Variants in PRUNE2 observed in about 807,000 individuals in gnomAD.
The protein encoded by PRUNE2 is protein prune homolog 2.
In PRUNE2, 164 loss-of-function variants were observed where a neutral mutation model predicts 252.0. That is an observed-to-expected ratio of 0.65 (90% CI 0.57 to 0.74). The LOEUF is 0.74. Ranked by LOEUF, PRUNE2 falls within the 30% of genes least tolerant of loss-of-function variation. The pLI is 0.00. For synonymous variants in PRUNE2, 1,292 were observed against 1,350.2 expected (o/e 0.96, Z 0.94); for missense variants, 3,495 against 3,711.0 (o/e 0.94, Z 1.51).
intron 6 of PRUNE2, among the ~76,000 whole-genome samples, chr9:76,811,500 G>A (rs111448013): frequency 3.3e-5 from 5 of 152,120 alleles, no homozygotes; most frequent in African/African-American, 1.2e-4. Context: ...GGTATCAAAG[G>A]CAATGAATGA....
chr9:76,830,148 G>C (rs950955939), intron 4 of PRUNE2, among the ~76,000 whole-genome samples: 1 of 152,096 alleles, frequency 6.6e-6, no homozygotes, highest in African/African-American at 2.4e-5. Flanking sequence ...AAATAGGTCA[G>C]AAGAAAACAA....
At chr9:76,790,302 G>T (rs1303145249) in intron 6 of PRUNE2, among the ~76,000 whole-genome samples, 1 of 152,134 alleles carries the variant, frequency 6.6e-6, no homozygotes, top group African/African-American at 2.4e-5. Context: ...TTGCAATAAT[G>T]AATTAATCAA....
At chr9:76,736,417 T>A (rs1454775406) in intron 6 of PRUNE2, 4 of 152,250 alleles carry the variant, frequency 2.6e-5, no homozygotes, top group Non-Finnish European at 5.9e-5. Context: ...AATTTAAGAA[T>A]GGTGTGTTAG....
At chr9:76,785,863 A>G (rs956818298) in intron 6 of PRUNE2, 2 of 152,150 alleles carry the variant, frequency 1.3e-5, no homozygotes, top group Non-Finnish European at 2.9e-5. Flanking sequence ...TATCACCACC[A>G]TATCTCATTA....
At chr9:76,846,835 C>T (rs529388889) in intron 3 of PRUNE2, among the ~76,000 whole-genome samples, 157 bp from the exon 4 acceptor site, 1 of 152,160 alleles carries the variant, frequency 6.6e-6, no homozygotes. Flanking sequence ...CCTTATTCTA[C>T]GTATTTTCAC....
At chr9:76,874,807 A>C (rs2061392712) in intron 1 of PRUNE2, among the ~76,000 whole-genome samples, 2 of 152,218 alleles carry the variant, frequency 1.3e-5, no homozygotes, top group Non-Finnish European at 2.9e-5. Context: ...AGTTTGCAGC[A>C]GACAAAGTAT....
chr9:76,710,655 T>A lies in PRUNE2; in HGVS notation c.1619A>T (p.Asp540Val). Residue 540 changes from aspartate to valine, a missense_variant, in exon 8 of 19, where the codon GAT (aspartate) becomes GTT (valine). Physicochemically the swap from Asp to Val is radical, Grantham distance 152. Coordinates refer to ENST00000376718, the MANE Select transcript of PRUNE2 (RefSeq NM_015225.3). ...ATTAGACATGTTGGTTCCCATGCCA[T>A]CAAGTCCTTCAGGCCCAGCGGGGAG... is the stretch of plus-strand genomic sequence containing the variant. ...GQLPAGPEGL[D>V]GMGTNMSNYS... is the part of the protein sequence containing the mutation. 1 of 1,612,306 alleles carries A rather than the reference T, an allele frequency of 6.2e-7. No homozygotes were observed. Among genetic ancestry groups the A allele is most frequent in the Non-Finnish European group, 8.5e-7 (1 of 1,179,118 alleles).
intron 9 of PRUNE2, chr9:76,692,073 C>T: frequency 2.8e-6 from 2 of 717,516 alleles, no homozygotes; most frequent in East Asian, 2.7e-5. Flanking sequence ...GACCCACCTA[C>T]CTTCTGAGGA....
chr9:76,632,690 T>G (rs1473880381), intron 15 of PRUNE2, among the ~76,000 whole-genome samples: 2 of 152,280 alleles, frequency 1.3e-5, no homozygotes. Flanking sequence ...CTGGAGTAGC[T>G]AGGACTACAG....
At chr9:76,878,693 G>A (rs527909471) in intron 1 of PRUNE2, among the ~76,000 whole-genome samples, 1 of 152,158 alleles carries the variant, frequency 6.6e-6, no homozygotes, top group African/African-American at 2.4e-5. Flanking sequence ...GTACCATTAG[G>A]ATTAGAGCAT....
At chr9:76,629,747 T>C (rs1836666848) in intron 15 of PRUNE2, among the ~76,000 whole-genome samples, 1 of 152,130 alleles carries the variant, frequency 6.6e-6, no homozygotes, top group Admixed American at 6.6e-5. Context: ...TTGACCAACA[T>C]TTCCTCACTC....
intron 9 of PRUNE2, among the ~76,000 whole-genome samples, chr9:76,680,866 C>T (rs2134208989): frequency 6.6e-6 from 1 of 152,266 alleles, no homozygotes; most frequent in Non-Finnish European, 1.5e-5. Flanking sequence ...AAGTGGCACA[C>T]TTTCAAACAA....
At chr9:76,739,430 T>C (rs1048563937) in intron 6 of PRUNE2, 42 of 152,162 alleles carry the variant, frequency 2.8e-4, no homozygotes, top group African/African-American at 1.0e-3. Context: ...TGAATGATGA[T>C]AACAAAAAGA....
intron 6 of PRUNE2, among the ~76,000 whole-genome samples, chr9:76,723,045 T>C (rs2047779932): frequency 6.6e-6 from 1 of 152,254 alleles, no homozygotes; most frequent in African/African-American, 2.4e-5. Flanking sequence ...GCTGCTTACG[T>C]CTTTTGAAGA....
At chr9:76,670,343 A>G (rs4335196) in intron 9 of PRUNE2, among the ~76,000 whole-genome samples, 1 of 151,236 alleles carries the variant, frequency 6.6e-6, no homozygotes, top group Non-Finnish European at 1.5e-5. Flanking sequence ...GCTTTTCCAA[A>G]GGGCTTAAAA....
At chr9:76,702,063 CTTT>C (rs533432061) in intron 9 of PRUNE2, among the ~76,000 whole-genome samples, 1 of 142,054 alleles carries the variant, frequency 7.0e-6, no homozygotes. Flanking sequence ...TCTTTTCTCG[CTTT>C]TTTTTTTTTT....
At chr9:76,826,032 T>C (rs984650988) in intron 5 of PRUNE2, among the ~76,000 whole-genome samples, 1 of 152,168 alleles carries the variant, frequency 6.6e-6, no homozygotes. Flanking sequence ...AGATATGCAC[T>C]AGAGACATGA....
intron 6 of PRUNE2, among the ~76,000 whole-genome samples, chr9:76,727,139 C>T (rs2048168744): frequency 6.6e-6 from 1 of 152,180 alleles, no homozygotes; most frequent in Non-Finnish European, 1.5e-5. Context: ...CTGGCCTTGA[C>T]CCACTAGATG....
chr9:76,835,955 T>A (rs1258873094), intron 4 of PRUNE2, among the ~76,000 whole-genome samples: 2 of 152,188 alleles, frequency 1.3e-5, no homozygotes, highest in Non-Finnish European at 2.9e-5. Flanking sequence ...CTAAGAACAG[T>A]CGCTTTTCTT....
Sources: gnomAD v4.1 joint callset for allele counts (sites outside exome capture counted in the v4.1 genomes callset) on GRCh38, gnomAD v4.1.1 for gene constraint, MANE v1.5 for transcripts, NCBI Gene and HGNC (gene_info 2026-07-23, HGNC 2026-07-21) for gene names.